Variants in SOX5 observed in about 807,000 individuals in gnomAD.
SOX5 encodes SRY-box transcription factor 5.
Under a neutral mutation model 92.0 loss-of-function variants are expected in SOX5, and 9 were observed. The observed-to-expected ratio is 0.10, with a 90% CI of 0.06 to 0.17. The LOEUF (loss-of-function observed/expected upper bound fraction) is 0.17. Ranked by LOEUF, SOX5 falls within the 10% of genes least tolerant of loss-of-function variation. The probability of loss-of-function intolerance (pLI) is 1.00; values close to 1 mark genes in which losing one functional copy is unlikely to be tolerated. For synonymous variants in SOX5, 344 were observed against 336.3 expected, an observed-to-expected ratio of 1.02 and a Z score of -0.25; for missense variants, 642 against 944.5, an observed-to-expected ratio of 0.68 and a Z score of 4.20.
chr12:23,651,311 C>T (rs949648653), intron 7 of SOX5, among the ~76,000 whole-genome samples: 3 of 151,914 alleles, frequency 2.0e-5, no homozygotes, highest in Non-Finnish European at 4.4e-5. Flanking sequence ...TCCCATTCTA[C>T]ACAATTTTTT....
At chr12:24,547,939 G>C (rs1004962958) in intron 1 of SOX5, among the ~76,000 whole-genome samples, 4 of 152,180 alleles carry the variant, frequency 2.6e-5, no homozygotes, top group Non-Finnish European at 4.4e-5. Context: ...GTTACAAGTA[G>C]AGAAAAGTAG....
intron 1 of SOX5, among the ~76,000 whole-genome samples, chr12:24,423,862 T>C (rs958891169): frequency 1.3e-5 from 2 of 152,172 alleles, no homozygotes; most frequent in Admixed American, 6.5e-5. Flanking sequence ...AAATGACCTG[T>C]TGGCTTTGAG....
intron 2 of SOX5, among the ~76,000 whole-genome samples, chr12:24,278,041 A>G (rs1395320746): frequency 6.6e-6 from 1 of 152,166 alleles, no homozygotes; most frequent in Non-Finnish European, 1.5e-5. Context: ...GAGATTCCCA[A>G]GAATCAGACT....
intron 4 of SOX5, among the ~76,000 whole-genome samples, chr12:23,958,124 A>G (rs1259458232): frequency 6.6e-6 from 1 of 151,968 alleles, no homozygotes; most frequent in Non-Finnish European, 1.5e-5. Context: ...TTAAAAAAAT[A>G]AAAACATATA....
intron 2 of SOX5, among the ~76,000 whole-genome samples, chr12:23,866,099 G>T (rs375491293): frequency 6.6e-6 from 1 of 152,172 alleles, no homozygotes; most frequent in South Asian, 2.1e-4. Flanking sequence ...TGTGAACACC[G>T]TTGAAATAAC....
At chr12:23,662,901 G>GA (rs2083260847) in intron 7 of SOX5, among the ~76,000 whole-genome samples, 1 of 152,162 alleles carries the variant, frequency 6.6e-6, no homozygotes, top group South Asian at 2.1e-4. Context: ...TTGAAGTCAA[G>GA]ATGGGTTGGT....
At chr12:24,514,195 T>C (rs1357642547) in intron 1 of SOX5, among the ~76,000 whole-genome samples, 1 of 152,218 alleles carries the variant, frequency 6.6e-6, no homozygotes, top group African/African-American at 2.4e-5. Flanking sequence ...CCTTTTCTTC[T>C]TTTCCAGGGA....
intron 8 of SOX5, among the ~76,000 whole-genome samples, chr12:23,609,327 T>C (rs1280177602): frequency 6.6e-6 from 1 of 152,134 alleles, no homozygotes; most frequent in African/African-American, 2.4e-5. Flanking sequence ...CACTGACTGT[T>C]TGAGAGCAAT....
chr12:24,475,076 C>T (rs1359848778), intron 1 of SOX5, among the ~76,000 whole-genome samples: 1 of 152,030 alleles, frequency 6.6e-6, no homozygotes, highest in African/African-American at 2.4e-5. Context: ...GTCATGAATT[C>T]CTGACCTCAG....
intron 2 of SOX5, among the ~76,000 whole-genome samples, chr12:23,887,917 A>ATGTGTG (rs61356582): frequency 0.18 from 25,608 of 144,500 alleles, 2,295 homozygotes; most frequent in African/African-American, 0.21. Flanking sequence ...CAGTGTGTAT[A>ATGTGTG]TGTGTGTGTG....
At chr12:24,209,736 C>T (rs1478371227) in intron 4 of SOX5, among the ~76,000 whole-genome samples, 3 of 151,992 alleles carry the variant, frequency 2.0e-5, no homozygotes, top group Non-Finnish European at 2.9e-5. Flanking sequence ...ATAATCCTTC[C>T]GGCCGGGCGC....
intron 3 of SOX5, among the ~76,000 whole-genome samples, chr12:23,775,471 A>G (rs550159289): frequency 6.6e-6 from 1 of 152,338 alleles, no homozygotes; most frequent in South Asian, 2.1e-4. Flanking sequence ...CAAGCCCACT[A>G]ACAAGAATAG....
intron 1 of SOX5, among the ~76,000 whole-genome samples, chr12:24,441,875 A>G (rs1235836424): frequency 6.6e-6 from 1 of 152,204 alleles, no homozygotes; most frequent in Non-Finnish European, 1.5e-5. Context: ...TTTTTTAATA[A>G]AAAAGAAAAT....
chr12:23,911,539 A>G lies in SOX5; in HGVS notation c.39-15515T>C, dbSNP rs150052390. On this transcript the variant is annotated intron_variant, in intron 1 of 14. Coordinates refer to ENST00000451604, the MANE Select transcript of SOX5 (RefSeq NM_006940.6). The stretch of plus-strand genomic sequence containing the variant: ...CATGTCTTTGCATTTTTGTTACTGT[A>G]AATGACTTATTAATAACATATAATG... Among the ~76,000 whole-genome samples, 367 of 152,264 alleles carry G rather than the reference A, an allele frequency of 2.4e-3. 1 individual carries two copies. Among genetic ancestry groups the G allele is most frequent in the African/African-American group, 8.2e-3 (343 of 41,584 alleles).
At chr12:23,851,521 T>G (rs2096633530) in intron 2 of SOX5, among the ~76,000 whole-genome samples, 1 of 152,084 alleles carries the variant, frequency 6.6e-6, no homozygotes, top group South Asian at 2.1e-4. Context: ...ATATTGTCAG[T>G]TCCCAATACC....
At chr12:24,067,620 G>A (rs1186412972) in intron 4 of SOX5, among the ~76,000 whole-genome samples, 2 of 152,050 alleles carry the variant, frequency 1.3e-5, no homozygotes, top group South Asian at 2.1e-4. Context: ...AATGGTAGGC[G>A]ATACATGGTC....
chr12:24,490,629 T>C (rs1273060515), intron 1 of SOX5, among the ~76,000 whole-genome samples: 2 of 152,140 alleles, frequency 1.3e-5, no homozygotes, highest in African/African-American at 4.8e-5. Flanking sequence ...CAGTTTCTTT[T>C]GGAATGCTTT....
chr12:23,604,635 G>C (rs981156613), intron 8 of SOX5, 102 bp from the exon 9 acceptor site: 1 of 1,179,732 alleles, frequency 8.5e-7, no homozygotes, highest in Non-Finnish European at 1.2e-6. Context: ...TTTTTCCTAT[G>C]AGCATTTTGT....
intron 1 of SOX5, among the ~76,000 whole-genome samples, chr12:24,557,400 C>CA (rs36026440): frequency 0.53 from 55,462 of 105,152 alleles, 14,537 homozygotes; most frequent in Non-Finnish European, 0.66. Context: ...GACTTCATTT[C>CA]AAAAAAAAAA....
Sources: allele counts gnomAD v4.1 joint callset (sites outside exome capture counted in the v4.1 genomes callset), GRCh38; gene constraint gnomAD v4.1.1; transcripts MANE v1.5; gene names NCBI Gene and HGNC (gene_info 2026-07-23, HGNC 2026-07-21).